ENDOU: variants seen among roughly 807,000 people sequenced by gnomAD.
ENDOU encodes endonuclease, poly(U) specific.
In ENDOU, 49 loss-of-function variants were observed where a neutral mutation model predicts 54.2. The observed-to-expected ratio is 0.90, with a 90% CI of 0.72 to 1.15. The LOEUF is 1.15. ENDOU is among the 50% of genes most tolerant of loss of function. ENDOU has a pLI of 0.00. For synonymous variants in ENDOU, 172 were observed against 190.5 expected (o/e 0.90, Z 0.80); for missense variants, 458 against 511.4 (o/e 0.90, Z 1.01).
At chr12:47,718,670 G>A (rs1940339984) in intron 2 of ENDOU, among the ~76,000 whole-genome samples, 1 of 152,154 alleles carries the variant, frequency 6.6e-6, no homozygotes, top group East Asian at 1.9e-4. Context: ...CTTGGAAATG[G>A]CCACAAAGAC....
At chr12:47,715,320 C>A (rs1940188166) in intron 6 of ENDOU, among the ~76,000 whole-genome samples, 1 of 152,190 alleles carries the variant, frequency 6.6e-6, no homozygotes, top group African/African-American at 2.4e-5. Context: ...GACAGCCTGG[C>A]CTTGGCATCG....
chr12:47,710,975 T>A, intron 9 of ENDOU, 56 bp from the exon 10 acceptor site: 1 of 1,220,020 alleles, frequency 8.2e-7, no homozygotes, highest in Non-Finnish European at 1.2e-6. Flanking sequence ...TGCCTCTCCC[T>A]GGGCTGGAAG....
At chr12:47,716,044 A>C (rs1172281422) in intron 6 of ENDOU, among the ~76,000 whole-genome samples, 2 of 152,132 alleles carry the variant, frequency 1.3e-5, no homozygotes, top group Admixed American at 1.3e-4. Flanking sequence ...GTGGGCGTGC[A>C]TGAGGCAGTT....
intron 1 of ENDOU, among the ~76,000 whole-genome samples, chr12:47,722,938 C>T (rs1349408528): frequency 2.0e-5 from 3 of 152,238 alleles, no homozygotes; most frequent in Non-Finnish European, 4.4e-5. Context: ...CCCTTGGAGC[C>T]TGAATGCAAA....
At chr12:47,722,571 C>T (rs986735666) in intron 1 of ENDOU, among the ~76,000 whole-genome samples, 2 of 152,118 alleles carry the variant, frequency 1.3e-5, no homozygotes, top group Non-Finnish European at 2.9e-5. Flanking sequence ...ATTTCATGCC[C>T]ATCTTCCAAG....
chr12:47,720,797 A>G lies in ENDOU; in HGVS notation c.134T>C (p.Leu45Pro). Residue 45 changes from leucine (L) to proline (P), a missense_variant, in exon 2 of 10, where the codon CTC becomes CCC. Physicochemically the swap from Leu to Pro is moderately conservative, Grantham distance 98. Transcript: ENST00000422538. The stretch of plus-strand genomic sequence containing the variant: ...GTCTTCACAGCAGTTCCCATGCCAG[A>G]GACACCGGCGGTCACACTGGCAGGC... ...DAACQCDRRC[L>P]WHGNCCEDYE... 6.5e-7 allele frequency: 1 copy of G among 1,536,130 alleles called. No homozygotes were observed. The highest frequency in any genetic ancestry group is 8.7e-7 in the Non-Finnish European group (1 of 1,146,864).
intron 3 of ENDOU, 165 bp downstream of exon 3, chr12:47,717,964 T>C: frequency 1.5e-6 from 1 of 674,234 alleles, no homozygotes; most frequent in Non-Finnish European, 2.5e-6. Flanking sequence ...CCAGGCTGGC[T>C]GAGCCCCCCC....
intron 1 of ENDOU, among the ~76,000 whole-genome samples, chr12:47,724,784 T>G (rs995771417): frequency 1.3e-5 from 2 of 152,162 alleles, no homozygotes; most frequent in Non-Finnish European, 2.9e-5. Context: ...TCTGTATTCT[T>G]CAATTCTCCT....
At chr12:47,720,710 C>T in intron 2 of ENDOU, 43 bp downstream of exon 2, 1 of 1,532,764 alleles carries the variant, frequency 6.5e-7, no homozygotes, top group Non-Finnish European at 8.7e-7. Context: ...CCAGTGGCCC[C>T]TTAGACAGGC....
intron 4 of ENDOU, 50 bp from the exon 5 acceptor site, chr12:47,717,108 G>T: frequency 1.3e-6 from 2 of 1,568,192 alleles, no homozygotes; most frequent in Non-Finnish European, 1.8e-6. Flanking sequence ...GGAAAGGGGG[G>T]CGGGCAGGAA....
chr12:47,723,839 A>T (rs1362892921), intron 1 of ENDOU, among the ~76,000 whole-genome samples: 2 of 152,104 alleles, frequency 1.3e-5, no homozygotes, highest in South Asian at 2.1e-4. Flanking sequence ...TCCATTCACA[A>T]CCAAAAAAAT....
In ENDOU at chr12:47,718,151, C is replaced by T. The variant is rs752975345; in HGVS notation, c.222G>A (p.Glu74=). The T allele has an allele frequency of 1.9e-6, 3 of 1,580,852 alleles. No individual in the cohort carries two copies. The highest frequency in any genetic ancestry group is 2.3e-5 in the South Asian group (2 of 86,414). ...CACTGCTGGCGAGGGCCTCTTCTGTCTCTTCCTCCAGCTGTGGCAATGGCT... is the reference window on the plus strand; with the variant it reads ...CACTGCTGGCGAGGGCCTCTTCTGTTTCTTCCTCCAGCTGTGGCAATGGCT... ...ESEPLPQLEE[E]TEEALASNLY... The change falls in exon 3 of 10, where the codon GAG becomes GAA. Residue 74 remains glutamate (E), a synonymous_variant. Coordinates refer to ENST00000422538, the MANE Select transcript of ENDOU (RefSeq NM_001172439.2).
rs750939595 is a variant in ENDOU at position 47,717,635 on chromosome 12, A to G, written c.265T>C (p.Ser89Pro). The G allele has an allele frequency of 6.2e-7, 1 of 1,614,018 alleles. No individual in the cohort carries two copies. Among genetic ancestry groups the G allele is most frequent in the Admixed American group, 1.7e-5 (1 of 60,018 alleles). ...GCTTCGTAGCAGCGGCCCTGGCAGG[A>G]GGTGGGTGCCGAGTACAAGTCTGAG... ...LASNLYSAPTSCQGRCYEAFD... is the reference protein window; with the variant it reads ...LASNLYSAPTPCQGRCYEAFD... Residue 89 changes from serine (S) to proline (P), a missense_variant, in exon 4 of 10, where the codon TCC becomes CCC. Ser to Pro is a moderately conservative substitution (Grantham distance 74, BLOSUM62 -1). Coordinates refer to ENST00000422538, the MANE Select transcript of ENDOU (RefSeq NM_001172439.2).
chr12:47,712,437 G>T, intron 8 of ENDOU, 79 bp downstream of exon 8: 1 of 1,109,768 alleles, frequency 9.0e-7, no homozygotes, highest in Non-Finnish European at 1.3e-6. Context: ...CAGGCTGAGA[G>T]GCAAGTCGAC....
chr12:47,718,333 T>C, intron 2 of ENDOU, 139 bp from the exon 3 acceptor site: 1 of 657,512 alleles, frequency 1.5e-6, no homozygotes. Flanking sequence ...TGGGGTCCAA[T>C]GGACAGGCAC....
At chr12:47,720,603 A>G in intron 2 of ENDOU, 150 bp downstream of exon 2, 1 of 752,218 alleles carries the variant, frequency 1.3e-6, no homozygotes. Flanking sequence ...GTGGTGGCCA[A>G]ATTCCTGACC....
At chr12:47,723,360 A>G (rs1181918469) in intron 1 of ENDOU, among the ~76,000 whole-genome samples, 1 of 151,916 alleles carries the variant, frequency 6.6e-6, no homozygotes, top group Non-Finnish European at 1.5e-5. Context: ...TTCTGGGGAC[A>G]CTCTGATGAG....
At chr12:47,718,834 C>G in intron 2 of ENDOU, among the ~76,000 whole-genome samples, 1 of 152,098 alleles carries the variant, frequency 6.6e-6, no homozygotes, top group South Asian at 2.1e-4. Flanking sequence ...TTCCTGGGGA[C>G]TCTGAGTTCC....
intron 2 of ENDOU, chr12:47,719,626 A>C (rs1940368631): frequency 6.6e-6 from 1 of 152,138 alleles, no homozygotes; most frequent in Non-Finnish European, 1.5e-5. Context: ...TTTGCCTGCC[A>C]CCATGTAAGA....
Sources: gnomAD v4.1 joint callset for allele counts (sites outside exome capture counted in the v4.1 genomes callset) on GRCh38, gnomAD v4.1.1 for gene constraint, MANE v1.5 for transcripts, NCBI Gene and HGNC (gene_info 2026-07-23, HGNC 2026-07-21) for gene names.